Variants in ANTXR1 observed in about 807,000 individuals in gnomAD.
The protein encoded by ANTXR1 is anthrax toxin receptor 1.
Under a neutral mutation model 78.1 loss-of-function variants are expected in ANTXR1, and 19 were observed. The ratio of observed to expected loss-of-function variants is 0.24; its 90% confidence interval spans 0.17 to 0.36. The LOEUF is 0.36. ANTXR1 is among the 10% of genes least tolerant of loss of function. The pLI, the probability that ANTXR1 is intolerant of heterozygous loss-of-function variation, is 1.00. For synonymous variants in ANTXR1, 273 were observed against 260.5 expected, an observed-to-expected ratio of 1.05 and a Z score of -0.46; for missense variants, 518 against 718.6, an observed-to-expected ratio of 0.72 and a Z score of 3.19.
At chr2:69,160,107 C>G (rs535208217) in intron 13 of ANTXR1, among the ~76,000 whole-genome samples, 155 of 152,298 alleles carry the variant, frequency 1.0e-3, no homozygotes, top group Middle Eastern at 6.8e-3. Flanking sequence ...CCTGTTCCAG[C>G]CTCCACCCAT....
intron 17 of ANTXR1, among the ~76,000 whole-genome samples, chr2:69,207,235 C>A (rs1317140841): frequency 1.3e-5 from 2 of 152,232 alleles, no homozygotes; most frequent in Admixed American, 6.5e-5. Flanking sequence ...CAAAAGAATT[C>A]TCTTGCTCTC....
At chr2:69,039,333 T>C (rs1352019560) in intron 1 of ANTXR1, among the ~76,000 whole-genome samples, 1 of 152,210 alleles carries the variant, frequency 6.6e-6, no homozygotes, top group Admixed American at 6.5e-5. Flanking sequence ...AAGAAGCCCC[T>C]TTCCAAATCT....
chr2:69,069,853 G>T (rs941179097), intron 3 of ANTXR1, among the ~76,000 whole-genome samples: 1 of 152,142 alleles, frequency 6.6e-6, no homozygotes, highest in African/African-American at 2.4e-5. Context: ...CCAGCAGGAG[G>T]AAGGCAAAAT....
In ANTXR1 at chr2:69,182,575, A is replaced by G; in HGVS notation, c.1268A>G (p.Gln423Arg). Residue 423 changes from glutamine (Q) to arginine (R), a missense_variant, in exon 16 of 18, where the codon CAG (glutamine) becomes CGG (arginine). Transcript: ENST00000303714. Reference protein sequence around the residue: ...AKNARVKMPEQEYEFPEPRNL... With the variant: ...AKNARVKMPEREYEFPEPRNL... ...AATGCAAGAGTCAAGATGCCGGAGC[A>G]GGAATATGAATTCCCTGAGCCGCGA... is the stretch of plus-strand genomic sequence containing the variant. The G allele has an allele frequency of 5.6e-6, 9 of 1,614,276 alleles. No individual in the cohort carries two copies. The highest frequency in any genetic ancestry group is 7.6e-6 in the Non-Finnish European group (9 of 1,180,054).
At chr2:69,228,511 A>T (rs1479392644) in intron 17 of ANTXR1, among the ~76,000 whole-genome samples, 2 of 152,182 alleles carry the variant, frequency 1.3e-5, no homozygotes, top group Admixed American at 6.5e-5. Flanking sequence ...TTACTTACAG[A>T]GATAGCCTGG....
chr2:69,126,353 G>T (rs1044740535), intron 12 of ANTXR1, among the ~76,000 whole-genome samples: 5 of 152,178 alleles, frequency 3.3e-5, no homozygotes, highest in African/African-American at 1.2e-4. Context: ...CCATGTCTCA[G>T]ACATCTGGTC....
At chr2:69,120,652 A>C (rs1024957578) in intron 10 of ANTXR1, among the ~76,000 whole-genome samples, 3 of 152,090 alleles carry the variant, frequency 2.0e-5, no homozygotes, top group African/African-American at 7.2e-5. Context: ...TGGGTGACAG[A>C]GTGAGACTCT....
intron 10 of ANTXR1, among the ~76,000 whole-genome samples, chr2:69,115,234 TC>T (rs1326496891): frequency 6.6e-6 from 1 of 152,208 alleles, no homozygotes; most frequent in Admixed American, 6.5e-5. Flanking sequence ...TGCACTATAT[TC>T]ATGTCCAAAG....
intron 17 of ANTXR1, among the ~76,000 whole-genome samples, chr2:69,221,237 T>C (rs967702148): frequency 6.6e-6 from 1 of 152,206 alleles, no homozygotes; most frequent in Non-Finnish European, 1.5e-5. Context: ...TCATCTCCCA[T>C]TGAGATCTAT....
At chr2:69,137,573 C>T (rs779081652) in intron 12 of ANTXR1, among the ~76,000 whole-genome samples, 36 of 151,920 alleles carry the variant, frequency 2.4e-4, no homozygotes, top group Admixed American at 9.2e-4. Context: ...TCATTGGGAG[C>T]CTGGGCAACA....
intron 1 of ANTXR1, among the ~76,000 whole-genome samples, chr2:69,030,038 A>G (rs1671481441): frequency 6.6e-6 from 1 of 152,238 alleles, no homozygotes; most frequent in African/African-American, 2.4e-5. Context: ...CTTTTCTTCC[A>G]AGTCCACCTT....
At chr2:69,054,125 C>G (rs1211434152) in intron 3 of ANTXR1, among the ~76,000 whole-genome samples, 1 of 151,844 alleles carries the variant, frequency 6.6e-6, no homozygotes, top group African/African-American at 2.4e-5. Context: ...GTAGTATCCC[C>G]CTAATTTGGT....
At chr2:69,133,515 G>A (rs1355956769) in intron 12 of ANTXR1, among the ~76,000 whole-genome samples, 1 of 152,190 alleles carries the variant, frequency 6.6e-6, no homozygotes, top group African/African-American at 2.4e-5. Context: ...TTTGGGCAAC[G>A]GGAAGCCATT....
At chr2:69,081,688 C>A (rs1270990218) in intron 8 of ANTXR1, among the ~76,000 whole-genome samples, 1 of 152,250 alleles carries the variant, frequency 6.6e-6, no homozygotes, top group Non-Finnish European at 1.5e-5. Context: ...CTGCCCAAGA[C>A]CACACAGCCC....
Position 69,013,367 on chromosome 2 carries a change from G to A in ANTXR1, c.-133G>A, listed in dbSNP as rs1670921196. 1.1e-5 allele frequency: 14 copies of A among 1,239,610 alleles called. No homozygotes were observed. The highest frequency in any genetic ancestry group is 1.6e-5 in the Non-Finnish European group (14 of 875,664). 76.8% of individuals were successfully genotyped at this position (1,239,610 alleles called of 1,614,324 possible). ...TGAACTCCTCCAGACAATTGCTTCC[G>A]GGGAGTTGCGAGGGAGCGAGGGGGA... On this transcript the variant is annotated 5_prime_UTR_variant, in exon 1 of 18. Coordinates refer to ENST00000303714, the MANE Select transcript of ANTXR1 (RefSeq NM_032208.3). The surrounding 1 kb of genome is among the most constrained non-coding windows in gnomAD (Gnocchi z 5.0).
In ANTXR1 at chr2:69,160,790, A is replaced by G. The variant is rs144922784; in HGVS notation, c.1047+8526A>G. Among the ~76,000 whole-genome samples the G allele has an allele frequency of 7.2e-3, 1,095 of 152,344 alleles. 5 individuals are homozygous for G. The highest frequency in any genetic ancestry group is 0.013 in the Non-Finnish European group (852 of 68,024). ...GACTCTTCAAATTTATTTTGACCCT[A>G]GAACTCTTCCTTGGCCTGTCACTAC... On this transcript the variant is annotated intron_variant, in intron 13 of 17. Coordinates refer to ENST00000303714, the MANE Select transcript of ANTXR1 (RefSeq NM_032208.3).
At chr2:69,208,195 CCT>C (rs1208446333) in intron 17 of ANTXR1, among the ~76,000 whole-genome samples, 8 of 152,306 alleles carry the variant, frequency 5.3e-5, no homozygotes, top group Admixed American at 2.6e-4. Context: ...GGGACCCACC[CCT>C]GTTTGCCTAG....
At chr2:69,112,252 C>T (rs113654458) in intron 10 of ANTXR1, among the ~76,000 whole-genome samples, 1 of 152,120 alleles carries the variant, frequency 6.6e-6, no homozygotes, top group African/African-American at 2.4e-5. Flanking sequence ...ATCACCGCAG[C>T]CCAAAGAGGG....
At chr2:69,051,308 ATTTC>A (rs946305212) in intron 3 of ANTXR1, among the ~76,000 whole-genome samples, 3 of 152,028 alleles carry the variant, frequency 2.0e-5, no homozygotes, top group African/African-American at 7.2e-5. Context: ...ACTATACTTT[ATTTC>A]TTTCTAAATA....
Sources: allele counts gnomAD v4.1 joint callset (sites outside exome capture counted in the v4.1 genomes callset), GRCh38; gene constraint gnomAD v4.1.1; non-coding constraint Gnocchi (gnomAD v3.1); transcripts MANE v1.5; gene names NCBI Gene and HGNC (gene_info 2026-07-23, HGNC 2026-07-21).